Variants in C2CD3 observed in about 807,000 individuals in gnomAD.
C2CD3 encodes the protein C2 domain containing 3 centriole elongation regulator.
C2CD3 carries 148 observed loss-of-function variants against 234.0 expected under a neutral mutation model. The ratio of observed to expected loss-of-function variants is 0.63; its 90% CI spans 0.55 to 0.72. The LOEUF is 0.72. Ranked by LOEUF, C2CD3 falls within the 30% of genes least tolerant of loss-of-function variation. The probability of loss-of-function intolerance (pLI) is 0.00; values close to 1 mark genes in which losing one functional copy is unlikely to be tolerated. For synonymous variants in C2CD3, 1,000 were observed against 1,035.4 expected, an observed-to-expected ratio of 0.97 and a Z score of 0.66; for missense variants, 2,577 against 2,811.5, an observed-to-expected ratio of 0.92 and a Z score of 1.89.
chr11:74,100,433 G>T, intron 15 of C2CD3, 92 bp downstream of exon 15: 1 of 1,178,962 alleles, frequency 8.5e-7, no homozygotes, highest in Non-Finnish European at 1.2e-6. Flanking sequence ...GGATTACTGG[G>T]CTATTCATGT....
At chr11:74,147,153 C>T (rs1422964695) in intron 3 of C2CD3, among the ~76,000 whole-genome samples, 7 of 152,122 alleles carry the variant, frequency 4.6e-5, no homozygotes, top group Admixed American at 1.3e-4. Context: ...CAGTGGTTCA[C>T]ACAAATAATT....
chr11:74,054,543 A>G, intron 26 of C2CD3, 64 bp downstream of exon 26: 2 of 615,200 alleles, frequency 3.3e-6, no homozygotes, highest in Non-Finnish European at 5.7e-6. Context: ...GGAATGGTAG[A>G]TTGTTAACAG....
intron 11 of C2CD3, among the ~76,000 whole-genome samples, chr11:74,112,568 C>T (rs1590836195): frequency 1.3e-5 from 2 of 152,156 alleles, no homozygotes; most frequent in South Asian, 2.1e-4. Context: ...TGATAAGGGG[C>T]TTGTATCTAG....
intron 32 of C2CD3, among the ~76,000 whole-genome samples, chr11:74,021,822 A>T (rs1565201685): frequency 6.6e-6 from 1 of 152,046 alleles, no homozygotes; most frequent in Non-Finnish European, 1.5e-5. Context: ...TATAAGTGAG[A>T]CTGGTTAGAA....
At chr11:74,170,658 C>CG (rs1857124023) in intron 1 of C2CD3, 80 bp downstream of exon 1, 1 of 1,496,886 alleles carries the variant, frequency 6.7e-7, no homozygotes, top group Admixed American at 1.7e-5. Context: ...GTTTATCCAG[C>CG]GGGGGTGCGG....
chr11:74,066,320 G>A (rs1261125593), intron 24 of C2CD3, among the ~76,000 whole-genome samples: 2 of 144,588 alleles, frequency 1.4e-5, no homozygotes, highest in East Asian at 4.1e-4. Context: ...CGAGTTAATG[G>A]GTGCAGCACA....
intron 32 of C2CD3, among the ~76,000 whole-genome samples, chr11:74,022,209 G>A (rs1466973478): frequency 1.3e-5 from 2 of 152,172 alleles, no homozygotes. Flanking sequence ...TGCTTAGGTG[G>A]CAGAATTAAC....
At chr11:74,038,238 A>G (rs1015190144) in intron 29 of C2CD3, among the ~76,000 whole-genome samples, 2 of 152,176 alleles carry the variant, frequency 1.3e-5, no homozygotes, top group African/African-American at 4.8e-5. Flanking sequence ...CTTTACATCT[A>G]CTGCACCCAG....
intron 2 of C2CD3, chr11:74,164,320 C>A (rs996154552): frequency 2.4e-6 from 2 of 825,190 alleles, no homozygotes; most frequent in African/African-American, 3.8e-5. Flanking sequence ...GTTCCATGCT[C>A]CAAACATTTT....
chr11:74,103,169 C>T lies in C2CD3; in HGVS notation c.2542G>A (p.Ala848Thr), dbSNP rs756187670. ...STEEVTRSVI[A>T]WGTTQPVFNF... is the part of the protein sequence containing the mutation. ...AAGACCGGTTGTGTTGTGCCCCATG[C>T]GATGACAGATCTGGTGACTTCCTCT... The change falls in exon 14 of 33, where the codon GCA becomes ACA. Residue 848 changes from alanine to threonine, a missense_variant. Coordinates refer to ENST00000334126, the MANE Select transcript of C2CD3 (RefSeq NM_001286577.2). The T allele has an allele frequency of 8.1e-6, 13 of 1,613,762 alleles. No homozygotes were observed. The highest frequency in any genetic ancestry group is 1.1e-5 in the South Asian group (1 of 91,058).
chr11:74,050,956 A>C (rs1295258826), intron 26 of C2CD3, among the ~76,000 whole-genome samples: 1 of 151,468 alleles, frequency 6.6e-6, no homozygotes, highest in Admixed American at 6.6e-5. Context: ...CCTGAGCCTC[A>C]GTCACACACA....
chr11:74,167,956 T>C (rs2135577618), intron 2 of C2CD3: 1 of 187,444 alleles, frequency 5.3e-6, no homozygotes, highest in East Asian at 1.5e-4. Flanking sequence ...CTACAGTTAT[T>C]ACCTAAAAAA....
intron 32 of C2CD3, among the ~76,000 whole-genome samples, chr11:74,020,211 G>T (rs567526683): frequency 5.2e-4 from 79 of 152,364 alleles, no homozygotes; most frequent in Admixed American, 1.6e-3. Context: ...GGACAGGGCA[G>T]GGAGGCCAAG....
intron 24 of C2CD3, among the ~76,000 whole-genome samples, chr11:74,064,494 G>C (rs1242062899): frequency 1.3e-5 from 2 of 152,108 alleles, no homozygotes; most frequent in East Asian, 3.8e-4. Flanking sequence ...TGGCCATACT[G>C]CCCAAGGTAA....
chr11:74,055,631 T>C (rs1015890117), intron 25 of C2CD3, among the ~76,000 whole-genome samples: 3 of 152,252 alleles, frequency 2.0e-5, no homozygotes, highest in African/African-American at 7.2e-5. Context: ...CTAGCTCTGC[T>C]ATTATCACCT....
At position 74,031,051 on chromosome 11, in the gene C2CD3, C is replaced by G. The variant is rs368601699; in HGVS notation, c.6809+2300G>C. On this transcript the variant is annotated intron_variant, in intron 31 of 32. Coordinates refer to ENST00000334126, the MANE Select transcript of C2CD3 (RefSeq NM_001286577.2). ...AACTAGCCTCCTTGTTTCTAGTCTTCCCTTACTTAACCTGCTCTCTACAAG... is the reference window on the plus strand; with the variant it reads ...AACTAGCCTCCTTGTTTCTAGTCTTGCCTTACTTAACCTGCTCTCTACAAG... 1.1e-4 allele frequency among the ~76,000 whole-genome samples: 17 copies of G among 152,306 alleles called. No homozygotes were observed. The East Asian group carries it at 2.7e-3, about 24-fold the overall frequency.
chr11:74,122,760 G>A (rs529342148), intron 8 of C2CD3, among the ~76,000 whole-genome samples: 1 of 152,274 alleles, frequency 6.6e-6, no homozygotes, highest in Admixed American at 6.5e-5. Context: ...ATGTGAATTT[G>A]AATTCTGGCT....
intron 2 of C2CD3, among the ~76,000 whole-genome samples, chr11:74,163,337 G>A (rs1182881469): frequency 6.6e-6 from 1 of 152,220 alleles, no homozygotes; most frequent in African/African-American, 2.4e-5. Context: ...CATGGTAGTT[G>A]CTGAATGGTT....
chr11:74,072,939 T>C (rs182066803), intron 24 of C2CD3, among the ~76,000 whole-genome samples: 1 of 152,080 alleles, frequency 6.6e-6, no homozygotes, highest in African/African-American at 2.4e-5. Flanking sequence ...GGGGAGCAAA[T>C]AGAAGGGGGC....
Sources: allele counts gnomAD v4.1 joint callset (sites outside exome capture counted in the v4.1 genomes callset), GRCh38; gene constraint gnomAD v4.1.1; transcripts MANE v1.5; gene names NCBI Gene and HGNC (gene_info 2026-07-23, HGNC 2026-07-21).